The following ST6GALNAC3 variants were observed in gnomAD, a reference collection of about 807,000 sequenced individuals.
ST6GALNAC3 encodes the protein ST6 N-acetylgalactosaminide alpha-2,6-sialyltransferase 3.
Under a neutral mutation model 32.7 loss-of-function variants are expected in ST6GALNAC3, and 25 were observed. The ratio of observed to expected loss-of-function variants is 0.76; its 90% CI spans 0.56 to 1.07. The LOEUF is 1.07. Among genes scored for constraint, ST6GALNAC3 ranks in the 50% least tolerant of loss-of-function variants. The probability of loss-of-function intolerance (pLI) is 0.00; values close to 1 mark genes in which losing one functional copy is unlikely to be tolerated. For synonymous variants in ST6GALNAC3, 129 were observed against 133.1 expected (o/e 0.97, Z 0.21); for missense variants, 355 against 382.4 (o/e 0.93, Z 0.60).
At chr1:76,134,470 C>T (rs1649811506) in intron 1 of ST6GALNAC3, among the ~76,000 whole-genome samples, 1 of 152,258 alleles carries the variant, frequency 6.6e-6, no homozygotes, top group Admixed American at 6.5e-5. Context: ...AACATTCTGT[C>T]ACTGCCATGC....
rs368127829 is a variant in ST6GALNAC3, at chr1:76,290,822, G to A, written c.19-22983G>A. ...TCTCACTGTAGATGATGGATCAGCT[G>A]CTGTGTGTCCCTGAAGGAAGGCAGC... On this transcript the variant is annotated intron_variant, in intron 1 of 4. Coordinates refer to ENST00000328299, the MANE Select transcript of ST6GALNAC3 (RefSeq NM_152996.4). 4.3e-4 allele frequency among the ~76,000 whole-genome samples: 65 copies of A among 152,294 alleles called. No homozygotes were observed. In the East Asian group the frequency reaches 7.9e-3, roughly 19 times the overall value.
intron 3 of ST6GALNAC3, among the ~76,000 whole-genome samples, chr1:76,438,308 T>C (rs570123733): frequency 1.1e-4 from 16 of 152,178 alleles, no homozygotes; most frequent in African/African-American, 2.9e-4. Context: ...CCCGCCACCG[T>C]GCCCGGCTAA....
At chr1:76,534,738 C>A (rs556979409) in intron 3 of ST6GALNAC3, among the ~76,000 whole-genome samples, 7 of 152,246 alleles carry the variant, frequency 4.6e-5, no homozygotes, top group African/African-American at 1.7e-4. Context: ...AGGTATTTTT[C>A]TTTGTTCATA....
intron 2 of ST6GALNAC3, among the ~76,000 whole-genome samples, chr1:76,378,880 A>G (rs930093105): frequency 2.7e-5 from 4 of 146,868 alleles, no homozygotes; most frequent in African/African-American, 7.6e-5. Context: ...AAATCAGCGG[A>G]AAAATTATCA....
intron 3 of ST6GALNAC3, among the ~76,000 whole-genome samples, chr1:76,505,864 C>A (rs566422108): frequency 6.6e-6 from 1 of 152,170 alleles, no homozygotes; most frequent in South Asian, 2.1e-4. Context: ...AAAGTGGGTG[C>A]AGCTTAAATT....
chr1:76,165,190 C>T (rs1467818092), intron 1 of ST6GALNAC3, among the ~76,000 whole-genome samples: 1 of 152,090 alleles, frequency 6.6e-6, no homozygotes, highest in African/African-American at 2.4e-5. Flanking sequence ...CTCTGATAGG[C>T]CCCAGTGTAT....
intron 3 of ST6GALNAC3, among the ~76,000 whole-genome samples, chr1:76,419,977 G>A (rs1281718132): frequency 6.8e-6 from 1 of 147,718 alleles, no homozygotes; most frequent in Non-Finnish European, 1.5e-5. Context: ...GTTTCAAGGA[G>A]TGGAAAGTTT....
At chr1:76,284,648 T>A (rs1659677856) in intron 1 of ST6GALNAC3, among the ~76,000 whole-genome samples, 1 of 152,100 alleles carries the variant, frequency 6.6e-6, no homozygotes. Flanking sequence ...AGAGACTTTT[T>A]AATTAGGACT....
intron 1 of ST6GALNAC3, among the ~76,000 whole-genome samples, chr1:76,172,057 C>G (rs889391586): frequency 6.6e-6 from 1 of 151,982 alleles, no homozygotes; most frequent in African/African-American, 2.4e-5. Context: ...GGCCAATAAG[C>G]CAAATAAACA....
intron 2 of ST6GALNAC3, among the ~76,000 whole-genome samples, chr1:76,334,607 TG>T (rs1467157755): frequency 6.6e-6 from 1 of 152,214 alleles, no homozygotes; most frequent in Non-Finnish European, 1.5e-5. Flanking sequence ...GCATCTTCGT[TG>T]GTATTTGTTT....
At chr1:76,430,593 C>CT (rs1655683340) in intron 3 of ST6GALNAC3, among the ~76,000 whole-genome samples, 1 of 152,168 alleles carries the variant, frequency 6.6e-6, no homozygotes, top group Admixed American at 6.5e-5. Context: ...GCAGCTCTCT[C>CT]TAACAGCCCC....
intron 3 of ST6GALNAC3, among the ~76,000 whole-genome samples, chr1:76,416,864 G>T (rs915394242): frequency 6.6e-6 from 1 of 152,008 alleles, no homozygotes; most frequent in Admixed American, 6.6e-5. Flanking sequence ...CTGACCCCGT[G>T]AGCCATCTTC....
intron 1 of ST6GALNAC3, among the ~76,000 whole-genome samples, chr1:76,234,651 C>T (rs530931915): frequency 1.4e-3 from 207 of 152,314 alleles, no homozygotes; most frequent in South Asian, 2.7e-3. Flanking sequence ...CAAGAAAATT[C>T]AATCTTCAAA....
chr1:76,265,070 A>T (rs908704692), intron 1 of ST6GALNAC3, among the ~76,000 whole-genome samples: 1 of 152,160 alleles, frequency 6.6e-6, no homozygotes, highest in African/African-American at 2.4e-5. Context: ...TTACCACATC[A>T]CAATAAAACT....
chr1:76,460,767 T>G (rs1327889224), intron 3 of ST6GALNAC3, among the ~76,000 whole-genome samples: 1 of 152,200 alleles, frequency 6.6e-6, no homozygotes, highest in Non-Finnish European at 1.5e-5. Context: ...TACATAGAAA[T>G]GGATGTCTTT....
At chr1:76,307,542 A>G (rs1472269512) in intron 1 of ST6GALNAC3, among the ~76,000 whole-genome samples, 3 of 152,176 alleles carry the variant, frequency 2.0e-5, no homozygotes, top group Non-Finnish European at 4.4e-5. Context: ...ACTGATACAC[A>G]TAACACAGTT....
chr1:76,201,667 A>G (rs1654526606), intron 1 of ST6GALNAC3, among the ~76,000 whole-genome samples: 1 of 152,168 alleles, frequency 6.6e-6, no homozygotes, highest in African/African-American at 2.4e-5. Context: ...AAAAACTTCA[A>G]AGACTGGAAT....
At chr1:76,539,876 G>A (rs905459147) in intron 3 of ST6GALNAC3, among the ~76,000 whole-genome samples, 2 of 152,160 alleles carry the variant, frequency 1.3e-5, no homozygotes, top group African/African-American at 4.8e-5. Flanking sequence ...GTGAGGCTGA[G>A]GAGAAATAAG....
intron 1 of ST6GALNAC3, among the ~76,000 whole-genome samples, chr1:76,204,824 T>G (rs1201700015): frequency 6.6e-6 from 1 of 152,186 alleles, no homozygotes; most frequent in African/African-American, 2.4e-5. Context: ...ATATGGGAGA[T>G]TTCTTTAGAT....
Sources: gnomAD v4.1 joint callset for allele counts (sites outside exome capture counted in the v4.1 genomes callset) on GRCh38, gnomAD v4.1.1 for gene constraint, MANE v1.5 for transcripts, NCBI Gene and HGNC (gene_info 2026-07-23, HGNC 2026-07-21) for gene names.